Variants in MRPL42 observed in about 807,000 individuals in gnomAD.
MRPL42 encodes large ribosomal subunit protein mL42.
Under a neutral mutation model 17.9 loss-of-function variants are expected in MRPL42, and 17 were observed. That is an observed-to-expected ratio of 0.95 (90% confidence interval 0.65 to 1.42). MRPL42 has a LOEUF of 1.42. MRPL42 is among the 40% of genes most tolerant of loss of function. The pLI, the probability that MRPL42 is intolerant of heterozygous loss-of-function variation, is 0.00. For synonymous variants in MRPL42, 59 were observed against 54.4 expected, an observed-to-expected ratio of 1.08 and a Z score of -0.37; for missense variants, 177 against 175.2, an observed-to-expected ratio of 1.01 and a Z score of -0.06.
At chr12:93,471,938 C>T (rs574498631) in intron 2 of MRPL42, among the ~76,000 whole-genome samples, 35 of 152,306 alleles carry the variant, frequency 2.3e-4, no homozygotes, top group South Asian at 6.2e-4. Context: ...TCAGTTTTTA[C>T]ATAGACTATG....
chr12:93,480,610 C>T (rs1240971096), intron 4 of MRPL42, among the ~76,000 whole-genome samples: 7 of 150,618 alleles, frequency 4.6e-5, no homozygotes, highest in South Asian at 2.1e-4. Context: ...GGCGCGATCT[C>T]GGCTCACAGC....
In MRPL42 at chr12:93,503,080, T is replaced by G. The variant is rs1420860867; in HGVS notation, c.*1859T>G. The stretch of plus-strand genomic sequence containing the variant: ...ACCATCAGTAACATTTTATGAAAGA[T>G]CTACTTATTTGTCTGTTTTGCAGAC... On this transcript the variant is annotated 3_prime_UTR_variant, in exon 6 of 6. Transcript: ENST00000549982. The G allele has an allele frequency of 6.6e-6, 1 of 152,222 alleles. No homozygotes were observed. The highest frequency in any genetic ancestry group is 6.5e-5 in the Admixed American group (1 of 15,280). 9.4% of individuals were successfully genotyped at this position (152,222 alleles called of 1,614,324 possible).
Position 93,487,651 on chromosome 12 carries a change from C to A in MRPL42, c.374C>A (p.Pro125His). 6.2e-7 allele frequency: 1 copy of A among 1,604,438 alleles called. No homozygotes were observed. Among genetic ancestry groups the A allele is most frequent in the Non-Finnish European group, 8.5e-7 (1 of 1,176,020 alleles). ...MFFTTKHRWY[P>H]HGRYHRCRKN... Reference sequence around the variant, plus strand: ...TTTACTACTAAGCACCGTTGGTATCCTCATGGACGGTAAGTTTTCTTTTCT... The same window carrying A: ...TTTACTACTAAGCACCGTTGGTATCATCATGGACGGTAAGTTTTCTTTTCT... The change falls in exon 5 of 6, where the codon CCT (proline) becomes CAT (histidine). Residue 125 changes from proline to histidine, a missense_variant. Transcript: ENST00000549982.
chr12:93,488,682 G>A (rs1287064281), intron 5 of MRPL42, among the ~76,000 whole-genome samples: 2 of 152,066 alleles, frequency 1.3e-5, no homozygotes, highest in Non-Finnish European at 2.9e-5. Context: ...AGTTCCCTTG[G>A]AAACTGTAAT....
At chr12:93,492,735 C>A (rs1953438584) in intron 5 of MRPL42, among the ~76,000 whole-genome samples, 2 of 152,250 alleles carry the variant, frequency 1.3e-5, no homozygotes, top group Admixed American at 1.3e-4. Flanking sequence ...TCTGATAGCC[C>A]TAAACTGAAC....
rs926861506 is a variant in MRPL42, at chr12:93,510,745, G to A, written c.*9524G>A. Reference sequence around the variant, plus strand: ...CATTTCCCTGATAATATGTGATATGGAACATCTATTTACTCATTATTTTTT... The same window carrying A: ...CATTTCCCTGATAATATGTGATATGAAACATCTATTTACTCATTATTTTTT... On this transcript the variant is annotated 3_prime_UTR_variant, in exon 6 of 6. Coordinates refer to ENST00000549982, the MANE Select transcript of MRPL42 (RefSeq NM_014050.4). 1 of 152,134 alleles carries A rather than the reference G, an allele frequency of 6.6e-6. No homozygotes were observed. Among genetic ancestry groups the A allele is most frequent in the Admixed American group, 6.5e-5 (1 of 15,268 alleles). The allele number at this position is 152,134 out of a possible 1,614,324, so 9.4% of individuals were successfully genotyped here. A position where few individuals can be genotyped will look rare whatever the true frequency, so the allele number is the denominator to read the frequency against.
chr12:93,478,157 T>TGG (rs1239013096), intron 3 of MRPL42, among the ~76,000 whole-genome samples: 1 of 152,062 alleles, frequency 6.6e-6, no homozygotes, highest in East Asian at 1.9e-4. Context: ...GGTTTCACCA[T>TGG]GTTGCCCAGG....
At chr12:93,483,811 CT>C (rs1290178336) in intron 4 of MRPL42, among the ~76,000 whole-genome samples, 2 of 152,074 alleles carry the variant, frequency 1.3e-5, no homozygotes, top group Non-Finnish European at 2.9e-5. Context: ...AAATTTAATA[CT>C]TTTTTACTCT....
At chr12:93,484,978 A>ATATATATG (rs1880648360) in intron 4 of MRPL42, among the ~76,000 whole-genome samples, 1 of 65,582 alleles carries the variant, frequency 1.5e-5, no homozygotes, top group Non-Finnish European at 2.7e-5. Context: ...ACACACACAC[A>ATATATATG]CATATATATA....
Position 93,470,497 on chromosome 12 carries a change from C to T in MRPL42, c.70+1142C>T, listed in dbSNP as rs574259045. On this transcript the variant is annotated intron_variant, in intron 2 of 5. Transcript: ENST00000549982. ...ATTTTTTATTTTAGATTCGGGCGTA[C>T]ATGTGCAGGTTTGTTACGTGGATGT... is the stretch of plus-strand genomic sequence containing the variant. 7.8e-6 allele frequency: 10 copies of T among 1,289,240 alleles called. No homozygotes were observed. The African/African-American group carries it at 1.1e-4, about 14-fold the overall frequency. The allele number at this position is 1,289,240 out of a possible 1,614,324, so 79.9% of individuals were successfully genotyped here.
chr12:93,496,310 C>T (rs112266634), intron 5 of MRPL42, among the ~76,000 whole-genome samples: 1,936 of 152,088 alleles, frequency 0.013, 44 homozygotes, highest in African/African-American at 0.044. Context: ...CCACCCACCT[C>T]GGGCTCCCAA....
intron 4 of MRPL42, among the ~76,000 whole-genome samples, chr12:93,485,461 G>T (rs1322127996): frequency 1.3e-5 from 2 of 151,820 alleles, no homozygotes; most frequent in African/African-American, 4.8e-5. Context: ...TTTTAAAGAG[G>T]TCTTGTTTCA....
Position 93,501,326 on chromosome 12 carries a change from A to G in MRPL42, c.*105A>G. On this transcript the variant is annotated 3_prime_UTR_variant, in exon 6 of 6. Coordinates refer to ENST00000549982, the MANE Select transcript of MRPL42 (RefSeq NM_014050.4). ...TATATAGTAAAGTAATAATGATAAAATATCTTTTCATATATTAGAATGTGT... is the reference window on the plus strand; with the variant it reads ...TATATAGTAAAGTAATAATGATAAAGTATCTTTTCATATATTAGAATGTGT... The G allele has an allele frequency of 1.6e-6, 1 of 628,944 alleles. No individual in the cohort carries two copies. The highest frequency in any genetic ancestry group is 2.5e-6 in the Non-Finnish European group (1 of 400,096). The allele number at this position is 628,944 out of a possible 1,614,324, so 39.0% of individuals were successfully genotyped here.
Position 93,502,804 on chromosome 12 carries a change from C to T in MRPL42, c.*1583C>T, listed in dbSNP as rs923998489. 3.9e-5 allele frequency: 6 copies of T among 152,068 alleles called. No homozygotes were observed. The highest frequency in any genetic ancestry group is 1.2e-4 in the African/African-American group (5 of 41,418). 9.4% of individuals were successfully genotyped at this position (152,068 alleles called of 1,614,324 possible). ...TGATTATGAAGATTTTCTTCTCTTCCGAGTACAAAGCTCTGCTAAATAAGG... is the reference window on the plus strand; with the variant it reads ...TGATTATGAAGATTTTCTTCTCTTCTGAGTACAAAGCTCTGCTAAATAAGG... On this transcript the variant is annotated 3_prime_UTR_variant, in exon 6 of 6. Coordinates refer to ENST00000549982, the MANE Select transcript of MRPL42 (RefSeq NM_014050.4).
At chr12:93,468,292 C>G (rs966232014) in intron 1 of MRPL42, among the ~76,000 whole-genome samples, 2 of 130,280 alleles carry the variant, frequency 1.5e-5, no homozygotes, top group African/African-American at 5.7e-5. Flanking sequence ...TGTCCTAATT[C>G]TCTTTTATCA....
chr12:93,480,997 A>G (rs1229841992), intron 4 of MRPL42, among the ~76,000 whole-genome samples: 1 of 152,192 alleles, frequency 6.6e-6, no homozygotes, highest in African/African-American at 2.4e-5. Context: ...GTTTTGGCCT[A>G]TAAACCCTCC....
intron 1 of MRPL42, among the ~76,000 whole-genome samples, chr12:93,467,831 G>A (rs1387639993): frequency 2.0e-5 from 3 of 152,160 alleles, no homozygotes; most frequent in African/African-American, 7.2e-5. Flanking sequence ...GCTCTTGGTA[G>A]CCTGTTCCTC....
rs147227891 is a variant in MRPL42, at chr12:93,486,680, T to C, written c.220-817T>C. On this transcript the variant is annotated intron_variant, in intron 4 of 5. Transcript: ENST00000549982. ...ATGAAAAGTTTTTAATTATTTCTCA[T>C]CTTAATGATATAAAAGGTAAATGGT... is the stretch of plus-strand genomic sequence containing the variant. Among the ~76,000 whole-genome samples the C allele has an allele frequency of 4.0e-3, 610 of 151,980 alleles. 10 individuals carry two copies. Among genetic ancestry groups the C allele is most frequent in the Admixed American group, 0.036 (551 of 15,254 alleles).
chr12:93,481,635 C>T (rs527737608), intron 4 of MRPL42, among the ~76,000 whole-genome samples: 3 of 152,300 alleles, frequency 2.0e-5, no homozygotes, highest in South Asian at 4.1e-4. Flanking sequence ...TGATCTAATA[C>T]CATGGTGTCT....
Sources: allele counts gnomAD v4.1 joint callset (sites outside exome capture counted in the v4.1 genomes callset), GRCh38; gene constraint gnomAD v4.1.1; transcripts MANE v1.5; gene names NCBI Gene and HGNC (gene_info 2026-07-23, HGNC 2026-07-21).